The following SHROOM3 variants were observed in gnomAD, a reference collection of about 807,000 sequenced individuals.
SHROOM3 encodes protein Shroom3.
In SHROOM3, 47 loss-of-function variants were observed where a neutral mutation model predicts 138.6. The observed-to-expected ratio is 0.34, with a 90% confidence interval of 0.27 to 0.43. SHROOM3 has a LOEUF of 0.43. Ranked by LOEUF, SHROOM3 falls within the 20% of genes least tolerant of loss-of-function variation. SHROOM3 has a pLI of 1.00. For missense variants in SHROOM3, 2,491 were observed against 2,596.5 expected (o/e 0.96, Z 0.88); for synonymous variants, 1,062 against 1,063.3 (o/e 1.00, Z 0.02).
intron 2 of SHROOM3, among the ~76,000 whole-genome samples, chr4:76,634,841 T>C (rs2110076015): frequency 6.6e-6 from 1 of 152,356 alleles, no homozygotes; most frequent in East Asian, 1.9e-4. Context: ...TGTATTGAAC[T>C]CTGTTAGCAC....
At chr4:76,613,666 G>A (rs1734810532) in intron 2 of SHROOM3, among the ~76,000 whole-genome samples, 1 of 152,146 alleles carries the variant, frequency 6.6e-6, no homozygotes, top group African/African-American at 2.4e-5. Flanking sequence ...GACTCCTCTT[G>A]TTATAATGTT....
At position 76,741,913 on chromosome 4, in the gene SHROOM3, C is replaced by G. The variant is rs747461719; in HGVS notation, c.3740C>G (p.Ala1247Gly). The change falls in exon 5 of 11, where the codon GCA becomes GGA. Residue 1247 changes from alanine to glycine, a missense_variant. By Grantham distance (60) the Ala-to-Gly change is moderately conservative. This residue lies in a region of SHROOM3 where 1,733 missense variants were observed against 1,661.6 expected (regional missense o/e 1.04). Transcript: ENST00000296043. The surrounding 1 kb of genome is among the most constrained non-coding windows in gnomAD (Gnocchi z 6.2). ...HVRSRSSPAT[A>G]DKRQDVLLGQ... The stretch of plus-strand genomic sequence containing the variant: ...AGGTCCAGGTCATCTCCCGCCACCG[C>G]AGACAAGCGCCAGGTACGTGCAACC... The G allele has an allele frequency of 1.2e-6, 2 of 1,612,322 alleles. No homozygotes were observed. Among genetic ancestry groups the G allele is most frequent in the African/African-American group, 2.7e-5 (2 of 74,938 alleles).
chr4:76,584,344 AG>A (rs985500832), intron 2 of SHROOM3, among the ~76,000 whole-genome samples: 1 of 152,076 alleles, frequency 6.6e-6, no homozygotes, highest in African/African-American at 2.4e-5. Context: ...AGAGTCACAT[AG>A]ATTTCTTTTA....
At position 76,565,160 on chromosome 4, in the gene SHROOM3, CAAA is replaced by C. The variant is rs1166896258; in HGVS notation, c.323+9417_323+9419del. Among the ~76,000 whole-genome samples the C allele has an allele frequency of 1.5e-4, 21 of 135,948 alleles. No individual in the cohort carries two copies. In the South Asian group the frequency reaches 2.6e-3, roughly 17 times the overall value. The allele number at this position is 135,948 out of a possible 152,430, so 89.2% of individuals were successfully genotyped here. ...TGGGTGACAGGGCGAGACTCCATTT[CAAA>C]AAAAAAAAAAAAAAAAAAAGAATGG... On this transcript the variant is annotated intron_variant, in intron 2 of 10. Transcript: ENST00000296043.
chr4:76,761,228 T>G (rs1721979810), intron 9 of SHROOM3, among the ~76,000 whole-genome samples: 1 of 152,176 alleles, frequency 6.6e-6, no homozygotes, highest in South Asian at 2.1e-4. Flanking sequence ...GGTCCCATAT[T>G]TATGTCCATG....
chr4:76,647,910 AT>A (rs1735861474), intron 2 of SHROOM3, among the ~76,000 whole-genome samples: 2 of 152,192 alleles, frequency 1.3e-5, no homozygotes, highest in African/African-American at 4.8e-5. Flanking sequence ...AATAATAATA[AT>A]AATACAGAAA....
intron 3 of SHROOM3, among the ~76,000 whole-genome samples, chr4:76,714,683 T>A (rs1256763134): frequency 6.6e-6 from 1 of 152,256 alleles, no homozygotes; most frequent in Admixed American, 6.5e-5. Flanking sequence ...CATCTATCAG[T>A]GTTGCCTGTG....
At chr4:76,467,165 C>T (rs1252336675) in intron 1 of SHROOM3, among the ~76,000 whole-genome samples, 2 of 152,044 alleles carry the variant, frequency 1.3e-5, no homozygotes, top group Non-Finnish European at 2.9e-5. Context: ...ACCTCAGCCT[C>T]CCGAGTAGCT....
intron 2 of SHROOM3, chr4:76,559,198 G>A (rs1733549325): frequency 6.6e-6 from 1 of 152,156 alleles, no homozygotes. Context: ...CAAAGGAAAA[G>A]GAGGCTGCCT....
chr4:76,734,740 C>T (rs1418136079), intron 4 of SHROOM3, among the ~76,000 whole-genome samples: 1 of 152,158 alleles, frequency 6.6e-6, no homozygotes, highest in Non-Finnish European at 1.5e-5. Flanking sequence ...ATACATACAT[C>T]TACCACAGAA....
chr4:76,594,437 C>T (rs1334494394), intron 2 of SHROOM3, among the ~76,000 whole-genome samples: 1 of 152,046 alleles, frequency 6.6e-6, no homozygotes, highest in Non-Finnish European at 1.5e-5. Flanking sequence ...ATAGTAAGGC[C>T]ATAGAAATGC....
intron 2 of SHROOM3, among the ~76,000 whole-genome samples, chr4:76,668,804 G>A (rs1718795577): frequency 6.6e-6 from 1 of 152,178 alleles, no homozygotes; most frequent in African/African-American, 2.4e-5. Flanking sequence ...ACTGAGAAGG[G>A]AAGCTGCTTC....
intron 2 of SHROOM3, among the ~76,000 whole-genome samples, chr4:76,608,653 T>TTGG (rs1560563309): frequency 9.0e-5 from 4 of 44,204 alleles, no homozygotes; most frequent in East Asian, 6.2e-4. Flanking sequence ...TAGCATAGCA[T>TTGG]AGCATAGCAT....
intron 2 of SHROOM3, among the ~76,000 whole-genome samples, chr4:76,596,470 T>C (rs1397774291): frequency 6.6e-6 from 1 of 152,270 alleles, no homozygotes; most frequent in East Asian, 1.9e-4. Flanking sequence ...ATACTGTCTG[T>C]GATGTTTGTA....
chr4:76,492,953 G>A (rs1376635915), intron 1 of SHROOM3, among the ~76,000 whole-genome samples: 1 of 152,138 alleles, frequency 6.6e-6, no homozygotes, highest in Non-Finnish European at 1.5e-5. Flanking sequence ...GGGCACGGTG[G>A]CTCACGTCTA....
intron 4 of SHROOM3, among the ~76,000 whole-genome samples, chr4:76,732,237 C>T (rs1379442663): frequency 1.3e-5 from 2 of 152,078 alleles, no homozygotes; most frequent in East Asian, 1.9e-4. Flanking sequence ...ACAAAGGAGA[C>T]GCAAGTGTTG....
intron 2 of SHROOM3, among the ~76,000 whole-genome samples, chr4:76,689,346 G>A (rs1469169452): frequency 7.6e-6 from 1 of 132,102 alleles, no homozygotes; most frequent in Non-Finnish European, 1.7e-5. Context: ...GGGATTACCT[G>A]GTGGCGAGCG....
intron 1 of SHROOM3, among the ~76,000 whole-genome samples, chr4:76,527,782 C>T (rs1379438401): frequency 6.6e-6 from 1 of 152,198 alleles, no homozygotes; most frequent in East Asian, 1.9e-4. Flanking sequence ...ACAGGCAAGT[C>T]CTTTTCACAA....
At chr4:76,566,108 CA>C (rs1170771360) in intron 2 of SHROOM3, among the ~76,000 whole-genome samples, 771 of 59,346 alleles carry the variant, frequency 0.013, 4 homozygotes, top group African/African-American at 0.023. Flanking sequence ...AACCCTGTCT[CA>C]AAAAAAAAAA....
Sources: allele counts gnomAD v4.1 joint callset (sites outside exome capture counted in the v4.1 genomes callset), GRCh38; gene constraint gnomAD v4.1.1; regional missense constraint gnomAD v4.1.1; non-coding constraint Gnocchi (gnomAD v3.1); transcripts MANE v1.5; gene names NCBI Gene and HGNC (gene_info 2026-07-23, HGNC 2026-07-21).